Variants in MALT1 observed in about 807,000 individuals in gnomAD.
MALT1 encodes the protein MALT1 paracaspase.
In MALT1, 36 loss-of-function variants were observed where a neutral mutation model predicts 85.5. That is an observed-to-expected ratio of 0.42 (90% CI 0.32 to 0.56). The LOEUF (loss-of-function observed/expected upper bound fraction) is 0.56, where lower values mean the gene tolerates loss of function less well. Among genes scored for constraint, MALT1 ranks in the 20% least tolerant of loss-of-function variants. MALT1 has a pLI of 0.10. For synonymous variants in MALT1, 359 were observed against 361.3 expected (o/e 0.99, Z 0.07); for missense variants, 716 against 981.6 (o/e 0.73, Z 3.62).
intron 13 of MALT1, among the ~76,000 whole-genome samples, chr18:58,739,015 A>G (rs1393909294): frequency 4.6e-5 from 7 of 152,116 alleles, no homozygotes; most frequent in African/African-American, 7.2e-5. Flanking sequence ...AGTTCTCTTA[A>G]TTTTTTTGAA....
chr18:58,704,192 A>G (rs1316680355), intron 4 of MALT1, among the ~76,000 whole-genome samples: 1 of 152,244 alleles, frequency 6.6e-6, no homozygotes, highest in East Asian at 1.9e-4. Context: ...GGATAGTTAC[A>G]TAGAAGTGGA....
At chr18:58,707,277 G>C (rs2054765105) in intron 4 of MALT1, among the ~76,000 whole-genome samples, 1 of 151,154 alleles carries the variant, frequency 6.6e-6, no homozygotes, top group Non-Finnish European at 1.5e-5. Flanking sequence ...TTTTTCTCCA[G>C]ATCCTTTAAG....
chr18:58,727,634 T>TG (rs1555688189), intron 10 of MALT1, among the ~76,000 whole-genome samples: 3 of 150,194 alleles, frequency 2.0e-5, no homozygotes, highest in African/African-American at 7.4e-5. Flanking sequence ...TTTTGTTTTT[T>TG]TTTTTTTTGA....
At chr18:58,724,692 G>C (rs2055029055) in intron 10 of MALT1, among the ~76,000 whole-genome samples, 1 of 152,070 alleles carries the variant, frequency 6.6e-6, no homozygotes, top group Non-Finnish European at 1.5e-5. Flanking sequence ...TTACCTTCAG[G>C]CTATGTGTAT....
intron 1 of MALT1, among the ~76,000 whole-genome samples, chr18:58,676,050 T>C (rs6567002): frequency 0.065 from 9,945 of 152,228 alleles, 1,104 homozygotes; most frequent in African/African-American, 0.23. Flanking sequence ...ACTATATATA[T>C]GTAGAATCCA....
At chr18:58,680,727 TC>T (rs551833490) in intron 1 of MALT1, among the ~76,000 whole-genome samples, 19 of 152,026 alleles carry the variant, frequency 1.2e-4, no homozygotes, top group African/African-American at 4.6e-4. Context: ...ATCGAGACCA[TC>T]CTGGCTAACA....
At chr18:58,702,788 T>C (rs1369973774) in intron 4 of MALT1, among the ~76,000 whole-genome samples, 1 of 152,176 alleles carries the variant, frequency 6.6e-6, no homozygotes, top group Non-Finnish European at 1.5e-5. Context: ...AAGGAAACAT[T>C]CATCAGACTG....
chr18:58,735,192 T>G lies in MALT1; in HGVS notation c.1476-10T>G. 2 of 1,599,502 alleles carry G rather than the reference T, an allele frequency of 1.3e-6. No homozygotes were observed. Among genetic ancestry groups the G allele is most frequent in the Non-Finnish European group, 1.7e-6 (2 of 1,177,232 alleles). On this transcript the variant is annotated splice_polypyrimidine_tract_variant and intron_variant, in intron 12 of 16. Coordinates refer to ENST00000649217, the MANE Select transcript of MALT1 (RefSeq NM_006785.4). Reference sequence around the variant, plus strand: ...CTGTGCCTGGCTTAACTTCTTTTTCTATTTTTAAGGTGTCAAGGAGCAGAA... The same window carrying G: ...CTGTGCCTGGCTTAACTTCTTTTTCGATTTTTAAGGTGTCAAGGAGCAGAA...
intron 2 of MALT1, chr18:58,690,709 G>T: frequency 5.0e-6 from 1 of 200,880 alleles, no homozygotes; most frequent in Non-Finnish European, 1.1e-5. Flanking sequence ...ACAAAGACCA[G>T]GCCTGCTATG....
At chr18:58,746,435 AATGAGAAGCTAGTTCTGCAC>A (rs2055368147) in intron 16 of MALT1, among the ~76,000 whole-genome samples, 1 of 152,208 alleles carries the variant, frequency 6.6e-6, no homozygotes, top group South Asian at 2.1e-4. Context: ...TTGACTTACA[AATGAGAAGCTAGTTCTGCAC>A]ATTGAGTGTT....
Position 58,753,796 on chromosome 18 carries a change from C to T in MALT1, c.*5954C>T, listed in dbSNP as rs2055478222. On this transcript the variant is annotated 3_prime_UTR_variant, in exon 17 of 17. Coordinates refer to ENST00000649217, the MANE Select transcript of MALT1 (RefSeq NM_006785.4). ...TGCTCAGCTTCAATACATTTAAGAA[C>T]ACATTTTTAACTTTTCGTAAGGAGT... The T allele has an allele frequency of 6.6e-6, 1 of 152,102 alleles. No individual in the cohort carries two copies. The highest frequency in any genetic ancestry group is 1.5e-5 in the Non-Finnish European group (1 of 68,026). The allele number at this position is 152,102 out of a possible 1,614,324, so 9.4% of individuals were successfully genotyped here. A position where few individuals can be genotyped will look rare whatever the true frequency, so the allele number is the denominator to read the frequency against.
At chr18:58,716,461 T>A (rs533905049) in intron 9 of MALT1, among the ~76,000 whole-genome samples, 1 of 152,324 alleles carries the variant, frequency 6.6e-6, no homozygotes, top group South Asian at 2.1e-4. Flanking sequence ...TTTAGCAGAT[T>A]AACATTTAAA....
intron 7 of MALT1, among the ~76,000 whole-genome samples, chr18:58,711,981 G>C (rs1369722453): frequency 6.6e-6 from 1 of 152,122 alleles, no homozygotes; most frequent in Admixed American, 6.6e-5. Flanking sequence ...TGGTTTTTAA[G>C]TCTTCCTAAT....
chr18:58,735,936 T>C (rs1429820211), intron 13 of MALT1, among the ~76,000 whole-genome samples: 1 of 152,138 alleles, frequency 6.6e-6, no homozygotes, highest in East Asian at 1.9e-4. Context: ...CAAGTACCTA[T>C]TATTTCAGTA....
rs527390983 is a variant in MALT1 at position 58,690,373 on chromosome 18, C to T, written c.377-5993C>T. 57 of 153,188 alleles carry T rather than the reference C, an allele frequency of 3.7e-4. 1 individual carries two copies. In the South Asian group the frequency reaches 0.01, roughly 28 times the overall value. The allele number at this position is 153,188 out of a possible 1,614,324, so 9.5% of individuals were successfully genotyped here. The stretch of plus-strand genomic sequence containing the variant: ...TGGTGTTGGCAGATCAGTATGGTGC[C>T]GCTAGGCAGGCACTGACTAGCTCCA... On this transcript the variant is annotated intron_variant, in intron 2 of 16. Transcript: ENST00000649217.
intron 10 of MALT1, among the ~76,000 whole-genome samples, chr18:58,727,614 G>GTTTTTTTTTTT (rs1602327763): frequency 7.2e-5 from 8 of 110,506 alleles, no homozygotes; most frequent in African/African-American, 2.6e-4. Flanking sequence ...AAGGTTTTTT[G>GTTTTTTTTTTT]TGTTTTTTTT....
Position 58,744,352 on chromosome 18 carries a change from A to G in MALT1, c.1768A>G (p.Met590Val), listed in dbSNP as rs775685815. The G allele has an allele frequency of 6.3e-6, 10 of 1,596,174 alleles. No individual in the cohort carries two copies. The highest frequency in any genetic ancestry group is 1.7e-4 in the Middle Eastern group (1 of 6,026). The stretch of plus-strand genomic sequence containing the variant: ...TTCTTTTTCAGAACTTCCAGAAAGT[A>G]TGTGTCTTAAGTTTGACTGTGGTGT... ...WAKAHELPES[M>V]CLKFDCGVQI... The change falls in exon 15 of 17, where the codon ATG (methionine) becomes GTG (valine). Residue 590 changes from methionine (M) to valine (V), a missense_variant. Coordinates refer to ENST00000649217, the MANE Select transcript of MALT1 (RefSeq NM_006785.4).
rs190512625 is a variant in MALT1, at chr18:58,733,801, G to A, written c.1400+227G>A. On this transcript the variant is annotated intron_variant, in intron 11 of 16. Coordinates refer to ENST00000649217, the MANE Select transcript of MALT1 (RefSeq NM_006785.4). ...ACAAATGAAGAACTAAAGGGCATGG[G>A]CATTTACTCACACTACAGGGGATTC... is the stretch of plus-strand genomic sequence containing the variant. 1,253 of 862,344 alleles carry A rather than the reference G, an allele frequency of 1.5e-3. 1 individual carries two copies. The highest frequency in any genetic ancestry group is 1.8e-3 in the Non-Finnish European group (1,133 of 623,740). The allele number at this position is 862,344 out of a possible 1,614,324, so 53.4% of individuals were successfully genotyped here.
At chr18:58,721,551 A>G (rs922718098) in intron 9 of MALT1, among the ~76,000 whole-genome samples, 1 of 152,228 alleles carries the variant, frequency 6.6e-6, no homozygotes, top group Non-Finnish European at 1.5e-5. Context: ...ACATGTACAT[A>G]TAGAATAGAG....
Sources: gnomAD v4.1 joint callset for allele counts (sites outside exome capture counted in the v4.1 genomes callset) on GRCh38, gnomAD v4.1.1 for gene constraint, MANE v1.5 for transcripts, NCBI Gene and HGNC (gene_info 2026-07-23, HGNC 2026-07-21) for gene names.